SCD5: variants seen among roughly 807,000 people sequenced by gnomAD.
The protein encoded by SCD5 is acyl-CoA-desaturase 4.
Under a neutral mutation model 30.4 loss-of-function variants are expected in SCD5, and 20 were observed. The observed-to-expected ratio is 0.66, with a 90% CI of 0.46 to 0.96. The LOEUF (loss-of-function observed/expected upper bound fraction) is 0.96. Ranked by LOEUF, SCD5 falls within the 40% of genes least tolerant of loss-of-function variation. The pLI is 0.00. For synonymous variants in SCD5, 173 were observed against 176.4 expected (o/e 0.98, Z 0.16); for missense variants, 381 against 443.3 (o/e 0.86, Z 1.26).
intron 1 of SCD5, among the ~76,000 whole-genome samples, chr4:82,745,325 G>A (rs1389376472): frequency 3.3e-5 from 5 of 152,182 alleles, no homozygotes; most frequent in Non-Finnish European, 2.9e-5. Flanking sequence ...AAAAGTCCAC[G>A]TAACCAATAC....
At chr4:82,697,914 C>A (rs1247637107) in intron 2 of SCD5, 1 of 439,984 alleles carries the variant, frequency 2.3e-6, no homozygotes, top group African/African-American at 2.0e-5. Flanking sequence ...TTAGAGACGA[C>A]CAAGCTATTT....
Position 82,782,095 on chromosome 4 carries a change from G to A in SCD5, c.232+16211C>T, listed in dbSNP as rs1014755109. ...CTTACAAAGGACCCTCCTATCTTGG[G>A]TCACAGAGAAGACTAAATCTAGGAT... On this transcript the variant is annotated intron_variant, in intron 1 of 4. Transcript: ENST00000319540. 2.0e-5 allele frequency among the ~76,000 whole-genome samples: 3 copies of A among 150,604 alleles called. No homozygotes were observed. In the South Asian group the frequency reaches 6.4e-4, roughly 32 times the overall value.
intron 1 of SCD5, among the ~76,000 whole-genome samples, chr4:82,791,978 C>A (rs898848283): frequency 2.6e-5 from 4 of 152,314 alleles, no homozygotes; most frequent in Admixed American, 1.3e-4. Flanking sequence ...CTGTGCCTGG[C>A]CGGGCACGCT....
At position 82,665,076 on chromosome 4, in the gene SCD5, A is replaced by AT. The variant is rs59529272; in HGVS notation, c.569+15630dup. 5.3e-3 allele frequency among the ~76,000 whole-genome samples: 396 copies of AT among 74,898 alleles called. 7 individuals are homozygous for AT. Among genetic ancestry groups the AT allele is most frequent in the South Asian group, 0.016 (45 of 2,874 alleles). 49.1% of individuals were successfully genotyped at this position (74,898 alleles called of 152,430 possible). A position where few individuals can be genotyped will look rare whatever the true frequency, so the allele number is the denominator to read the frequency against. On this transcript the variant is annotated intron_variant, in intron 3 of 4. Coordinates refer to ENST00000319540, the MANE Select transcript of SCD5 (RefSeq NM_001037582.3). ...TACACACACACATATATATATATATATTTTTTTTTTAATTTAATCAGGCAT... is the reference window on the plus strand; with the variant it reads ...TACACACACACATATATATATATATATTTTTTTTTTTAATTTAATCAGGCAT...
chr4:82,669,328 T>C (rs908759691), intron 3 of SCD5, among the ~76,000 whole-genome samples: 7 of 148,752 alleles, frequency 4.7e-5, no homozygotes, highest in Non-Finnish European at 1.0e-4. Flanking sequence ...AAGGAAAGTA[T>C]CAATTTCCAG....
chr4:82,780,400 T>C (rs560926188), intron 1 of SCD5, among the ~76,000 whole-genome samples: 3 of 152,328 alleles, frequency 2.0e-5, no homozygotes, highest in African/African-American at 4.8e-5. Context: ...GTAGGAATGA[T>C]AGCTTGCTTA....
chr4:82,690,920 G>A (rs1050602361), intron 2 of SCD5, among the ~76,000 whole-genome samples: 4 of 152,216 alleles, frequency 2.6e-5, no homozygotes, highest in Non-Finnish European at 1.5e-5. Context: ...GTCAACATAA[G>A]CGAAATAATT....
At chr4:82,703,614 A>T (rs554498206) in intron 2 of SCD5, among the ~76,000 whole-genome samples, 1 of 152,290 alleles carries the variant, frequency 6.6e-6, no homozygotes, top group East Asian at 1.9e-4. Context: ...ACAGTCTAAT[A>T]TTCTGTTATG....
At chr4:82,635,402 G>A (rs1727403619) in intron 4 of SCD5, among the ~76,000 whole-genome samples, 6 of 152,014 alleles carry the variant, frequency 3.9e-5, no homozygotes, top group Admixed American at 3.9e-4. Context: ...GGCGGATCAT[G>A]AGGTCAGGAG....
chr4:82,786,140 T>C (rs1420228261), intron 1 of SCD5, among the ~76,000 whole-genome samples: 2 of 152,212 alleles, frequency 1.3e-5, no homozygotes, highest in Non-Finnish European at 2.9e-5. Context: ...TGGGGGAAAT[T>C]ACAGCTGTTC....
intron 2 of SCD5, among the ~76,000 whole-genome samples, chr4:82,690,577 T>A (rs189173725): frequency 6.6e-6 from 1 of 152,220 alleles, no homozygotes; most frequent in Non-Finnish European, 1.5e-5. Context: ...CTCCCACTTA[T>A]AGTAATTTTC....
At chr4:82,637,150 C>T (rs1302664092) in intron 3 of SCD5, among the ~76,000 whole-genome samples, 1 of 152,232 alleles carries the variant, frequency 6.6e-6, no homozygotes, top group South Asian at 2.1e-4. Flanking sequence ...ATTTATCCCA[C>T]AGGCCACCAG....
At chr4:82,703,764 T>C (rs1370243057) in intron 2 of SCD5, among the ~76,000 whole-genome samples, 1 of 152,216 alleles carries the variant, frequency 6.6e-6, no homozygotes, top group African/African-American at 2.4e-5. Flanking sequence ...AAATGTTTTA[T>C]AACTACATGA....
chr4:82,712,297 T>TACACATATATA (rs1560540874), intron 1 of SCD5, among the ~76,000 whole-genome samples: 3 of 33,748 alleles, frequency 8.9e-5, no homozygotes, highest in Non-Finnish European at 6.3e-5. Flanking sequence ...TATATATATA[T>TACACATATATA]TTTATTTTTA....
At chr4:82,642,978 T>C (rs1308798635) in intron 3 of SCD5, among the ~76,000 whole-genome samples, 1 of 152,244 alleles carries the variant, frequency 6.6e-6, no homozygotes. Flanking sequence ...CCCAGGGCCC[T>C]GGTCCTGATT....
intron 1 of SCD5, among the ~76,000 whole-genome samples, chr4:82,797,717 G>A (rs898985291): frequency 6.6e-6 from 1 of 152,058 alleles, no homozygotes; most frequent in Non-Finnish European, 1.5e-5. Flanking sequence ...TGCGGAGGGG[G>A]CAGGGACAGG....
chr4:82,705,236 C>T (rs1366347698), intron 2 of SCD5, 47 bp downstream of exon 2: 1 of 1,602,928 alleles, frequency 6.2e-7, no homozygotes. Flanking sequence ...TCCCATACTG[C>T]CATCTGCACT....
chr4:82,681,634 G>A (rs1415462742), intron 2 of SCD5, among the ~76,000 whole-genome samples: 1 of 152,162 alleles, frequency 6.6e-6, no homozygotes, highest in African/African-American at 2.4e-5. Context: ...ATCAAGGGTG[G>A]AGGGTGGGAG....
At chr4:82,686,250 C>T (rs748082821) in intron 2 of SCD5, among the ~76,000 whole-genome samples, 1 of 152,182 alleles carries the variant, frequency 6.6e-6, no homozygotes, top group Non-Finnish European at 1.5e-5. Flanking sequence ...AAGGGATCCT[C>T]CTGCTTCAGT....
Sources: gnomAD v4.1 joint callset for allele counts (sites outside exome capture counted in the v4.1 genomes callset) on GRCh38, gnomAD v4.1.1 for gene constraint, MANE v1.5 for transcripts, NCBI Gene and HGNC (gene_info 2026-07-23, HGNC 2026-07-21) for gene names.